Variants in CLVS1 observed in about 807,000 individuals in gnomAD.
The protein encoded by CLVS1 is clavesin 1, also known as clavesin-1.
A neutral mutation model predicts 33.1 loss-of-function variants in CLVS1; 10 were observed. The ratio of observed to expected loss-of-function variants is 0.30; its 90% CI spans 0.19 to 0.51. The LOEUF (loss-of-function observed/expected upper bound fraction) is 0.51, where lower values mean the gene tolerates loss of function less well. Among genes scored for constraint, CLVS1 ranks in the 20% least tolerant of loss-of-function variants. The pLI is 0.97. For synonymous variants in CLVS1, 163 were observed against 166.1 expected, an observed-to-expected ratio of 0.98 and a Z score of 0.14; for missense variants, 343 against 433.4, an observed-to-expected ratio of 0.79 and a Z score of 1.85.
At chr8:61,023,426 T>C in the CLVS1 span, among the ~76,000 whole-genome samples, 1 of 152,180 alleles carries the variant, frequency 6.6e-6, no homozygotes, top group Admixed American at 6.5e-5. Flanking sequence ...AAGAGAAACA[T>C]TTAGAAGCGA....
At chr8:61,416,853 A>G (rs1298889610) in intron 3 of CLVS1, among the ~76,000 whole-genome samples, 1 of 152,208 alleles carries the variant, frequency 6.6e-6, no homozygotes, top group Non-Finnish European at 1.5e-5. Flanking sequence ...TGGGCTTTAA[A>G]GATGAAATTT....
At chr8:61,483,547 A>C (rs1379342590) in intron 5 of CLVS1, among the ~76,000 whole-genome samples, 1 of 152,246 alleles carries the variant, frequency 6.6e-6, no homozygotes, top group African/African-American at 2.4e-5. Context: ...TTCTGAAACT[A>C]TTCCAATCAA....
In CLVS1 at chr8:61,460,455, G is replaced by A. The variant is rs527431912; in HGVS notation, c.977+1913G>A. ...TTTTTTACATTAGATGAACAAAAATGGATGCCCTTGAAATATTACTAAGAT... is the reference window on the plus strand; with the variant it reads ...TTTTTTACATTAGATGAACAAAAATAGATGCCCTTGAAATATTACTAAGAT... On this transcript the variant is annotated intron_variant, in intron 5 of 5. Transcript: ENST00000325897. Among the ~76,000 whole-genome samples, 8 of 152,236 alleles carry A rather than the reference G, an allele frequency of 5.3e-5. No individual in the cohort carries two copies. The South Asian group carries it at 1.7e-3, about 32-fold the overall frequency.
chr8:61,013,864 G>C, the CLVS1 span, among the ~76,000 whole-genome samples: 44 of 152,238 alleles, frequency 2.9e-4, no homozygotes, highest in African/African-American at 1.1e-3. Flanking sequence ...AAGGTTGGAC[G>C]CAGCCTGTTG....
chr8:61,038,028 A>G, the CLVS1 span, among the ~76,000 whole-genome samples: 2 of 152,302 alleles, frequency 1.3e-5, no homozygotes, highest in East Asian at 3.9e-4. Flanking sequence ...GGGTGAGAGC[A>G]CAGCACAGGA....
intron 2 of CLVS1, among the ~76,000 whole-genome samples, chr8:61,260,871 G>A (rs1199853779): frequency 6.6e-6 from 1 of 152,192 alleles, no homozygotes; most frequent in Non-Finnish European, 1.5e-5. Context: ...TTGTAATGGT[G>A]TTCAGAATGC....
At chr8:60,980,631 C>T in the CLVS1 span, among the ~76,000 whole-genome samples, 2 of 152,072 alleles carry the variant, frequency 1.3e-5, no homozygotes, top group African/African-American at 4.8e-5. Context: ...ACTAAAAATA[C>T]AAAAATTAGC....
the CLVS1 span, among the ~76,000 whole-genome samples, chr8:61,027,938 A>G: frequency 6.6e-6 from 1 of 152,220 alleles, no homozygotes. Context: ...CCACTCTGTG[A>G]TAAGGTGCAT....
At chr8:61,384,386 T>C (rs920172882) in intron 3 of CLVS1, among the ~76,000 whole-genome samples, 1 of 152,100 alleles carries the variant, frequency 6.6e-6, no homozygotes, top group Non-Finnish European at 1.5e-5. Context: ...GGAGAACCAA[T>C]TAAAAGTCAA....
chr8:61,462,437 T>C (rs28660637), intron 5 of CLVS1, among the ~76,000 whole-genome samples: 25,237 of 152,154 alleles, frequency 0.17, 5,857 homozygotes, highest in African/African-American at 0.52. Flanking sequence ...CAGGCTGGAG[T>C]GCAATGGCAT....
At chr8:61,431,365 A>G (rs1361391516) in intron 3 of CLVS1, among the ~76,000 whole-genome samples, 1 of 152,232 alleles carries the variant, frequency 6.6e-6, no homozygotes, top group Non-Finnish European at 1.5e-5. Context: ...TTGTCTCCCA[A>G]GAGGAGGCCG....
At chr8:61,401,784 G>T (rs1183879293) in intron 3 of CLVS1, among the ~76,000 whole-genome samples, 1 of 152,122 alleles carries the variant, frequency 6.6e-6, no homozygotes, top group Non-Finnish European at 1.5e-5. Flanking sequence ...AACAAAGCTG[G>T]AAGCTCCTTC....
intron 3 of CLVS1, among the ~76,000 whole-genome samples, chr8:61,378,853 T>C (rs1052225909): frequency 3.3e-5 from 5 of 152,174 alleles, no homozygotes; most frequent in Admixed American, 1.3e-4. Flanking sequence ...AGCAACTTTT[T>C]TCAGGTAGCC....
At chr8:61,050,324 A>G in the CLVS1 span, among the ~76,000 whole-genome samples, 2 of 152,078 alleles carry the variant, frequency 1.3e-5, no homozygotes, top group Non-Finnish European at 2.9e-5. Flanking sequence ...TGTCTGGGGG[A>G]GATGCACCCT....
At chr8:61,306,907 G>T (rs563801416) in intron 2 of CLVS1, among the ~76,000 whole-genome samples, 1 of 152,174 alleles carries the variant, frequency 6.6e-6, no homozygotes, top group African/African-American at 2.4e-5. Context: ...AACCCTTAGC[G>T]GTATGCACTA....
At chr8:61,123,424 G>A (rs182167912) in intron 1 of CLVS1, among the ~76,000 whole-genome samples, 1 of 151,994 alleles carries the variant, frequency 6.6e-6, no homozygotes, top group Non-Finnish European at 1.5e-5. Flanking sequence ...TTATGACCTG[G>A]GGAAAAAGAA....
At chr8:61,403,893 A>T (rs1191289083) in intron 3 of CLVS1, among the ~76,000 whole-genome samples, 23 of 152,250 alleles carry the variant, frequency 1.5e-4, no homozygotes, top group Admixed American at 1.5e-3. Flanking sequence ...TCGAGAAAGC[A>T]GAAGAGTTGG....
chr8:61,478,904 TG>T (rs1326915673), intron 5 of CLVS1, among the ~76,000 whole-genome samples: 1 of 152,236 alleles, frequency 6.6e-6, no homozygotes, highest in Non-Finnish European at 1.5e-5. Context: ...TGTTGAATAT[TG>T]GCCCCCACTC....
At chr8:61,155,889 C>G (rs1392127136) in intron 2 of CLVS1, among the ~76,000 whole-genome samples, 2 of 152,146 alleles carry the variant, frequency 1.3e-5, no homozygotes, top group African/African-American at 2.4e-5. Flanking sequence ...GAGAGCTCCT[C>G]CCTGAGGGAT....
Sources: allele counts gnomAD v4.1 joint callset (sites outside exome capture counted in the v4.1 genomes callset), GRCh38; gene constraint gnomAD v4.1.1; transcripts MANE v1.5; gene names NCBI Gene and HGNC (gene_info 2026-07-23, HGNC 2026-07-21).